PCLO: variants seen among roughly 807,000 people sequenced by gnomAD.
PCLO encodes protein piccolo.
PCLO carries 82 observed loss-of-function variants against 427.5 expected under a neutral mutation model. The observed-to-expected ratio is 0.19, with a 90% confidence interval of 0.16 to 0.23. PCLO has a LOEUF of 0.23. Ranked by LOEUF, PCLO falls within the 10% of genes least tolerant of loss-of-function variation. The pLI, the probability that PCLO is intolerant of heterozygous loss-of-function variation, is 1.00. For missense variants in PCLO, 6,239 were observed against 6,115.9 expected (o/e 1.02, Z -0.67); for synonymous variants, 2,357 against 2,155.4 (o/e 1.09, Z -2.59).
At chr7:82,808,066 C>T (rs1791491986) in intron 20 of PCLO, among the ~76,000 whole-genome samples, 1 of 151,846 alleles carries the variant, frequency 6.6e-6, no homozygotes, top group African/African-American at 2.4e-5. Flanking sequence ...GCATAACCTA[C>T]ATAATGAGTC....
chr7:82,856,137 C>T (rs914958661), intron 10 of PCLO, among the ~76,000 whole-genome samples: 5 of 152,028 alleles, frequency 3.3e-5, no homozygotes, highest in East Asian at 1.9e-4. Context: ...ATGTGTAATA[C>T]CCTCACTGGG....
At chr7:83,138,095 A>C (rs182448178) in intron 2 of PCLO, among the ~76,000 whole-genome samples, 100 of 152,292 alleles carry the variant, frequency 6.6e-4, no homozygotes, top group African/African-American at 2.2e-3. Context: ...ATAATCATGC[A>C]GCCAGACAAA....
intron 3 of PCLO, among the ~76,000 whole-genome samples, chr7:83,069,195 TG>T (rs1282299760): frequency 6.6e-6 from 1 of 152,184 alleles, no homozygotes; most frequent in Non-Finnish European, 1.5e-5. Context: ...ACATGGCAGA[TG>T]GGTTCCTGCA....
At chr7:82,776,452 A>G (rs1790751115) in intron 22 of PCLO, among the ~76,000 whole-genome samples, 1 of 152,130 alleles carries the variant, frequency 6.6e-6, no homozygotes, top group African/African-American at 2.4e-5. Flanking sequence ...AATTGAGCCA[A>G]GGGCATGAGC....
At chr7:83,137,660 TG>T (rs1638985468) in intron 2 of PCLO, among the ~76,000 whole-genome samples, 1 of 151,996 alleles carries the variant, frequency 6.6e-6, no homozygotes, top group Non-Finnish European at 1.5e-5. Flanking sequence ...CTCCATCTCC[TG>T]ACCTCGTGAT....
intron 4 of PCLO, among the ~76,000 whole-genome samples, chr7:82,960,261 T>C (rs558929668): frequency 1.3e-5 from 2 of 152,316 alleles, no homozygotes; most frequent in South Asian, 4.1e-4. Context: ...GATTTGAGTG[T>C]TTGAAACACT....
At chr7:82,877,506 G>C (rs1793401473) in intron 10 of PCLO, among the ~76,000 whole-genome samples, 1 of 152,024 alleles carries the variant, frequency 6.6e-6, no homozygotes, top group Non-Finnish European at 1.5e-5. Context: ...TTATCATTGG[G>C]CGTGAAAGGG....
chr7:83,000,389 T>C (rs77081821), intron 3 of PCLO, among the ~76,000 whole-genome samples: 1 of 151,436 alleles, frequency 6.6e-6, no homozygotes, highest in Non-Finnish European at 1.5e-5. Flanking sequence ...CAAGTAAAAA[T>C]TGAGGAAATT....
intron 6 of PCLO, among the ~76,000 whole-genome samples, chr7:82,938,347 T>C (rs1435685874): frequency 1.3e-5 from 2 of 151,980 alleles, no homozygotes; most frequent in Admixed American, 6.6e-5. Context: ...TTGCTATACA[T>C]GTATTTTTTA....
At chr7:83,093,316 A>T (rs890881787) in intron 3 of PCLO, among the ~76,000 whole-genome samples, 16 of 151,176 alleles carry the variant, frequency 1.1e-4, no homozygotes, top group African/African-American at 3.6e-4. Context: ...TCTATACTTC[A>T]AATTTTCCAA....
chr7:82,817,194 G>A lies in PCLO; in HGVS notation c.14791+5301C>T, dbSNP rs374675228. On this transcript the variant is annotated intron_variant, in intron 20 of 24. Coordinates refer to ENST00000333891, the MANE Select transcript of PCLO (RefSeq NM_033026.6). The stretch of plus-strand genomic sequence containing the variant: ...AGATTTTGTTGGATGTTTGCTATGC[G>A]CATGTCATTACAGTTTGAATTTTCT... Among the ~76,000 whole-genome samples, 39 of 152,198 alleles carry A rather than the reference G, an allele frequency of 2.6e-4. 1 individual carries two copies. The East Asian group carries it at 4.8e-3, about 19-fold the overall frequency.
chr7:83,038,023 A>ATATATT (rs1650355199), intron 3 of PCLO, among the ~76,000 whole-genome samples: 3 of 52,808 alleles, frequency 5.7e-5, no homozygotes, highest in African/African-American at 1.4e-4. Flanking sequence ...ATATATATAT[A>ATATATT]TATATATTTA....
chr7:83,157,881 T>A (rs570476885), intron 1 of PCLO, among the ~76,000 whole-genome samples: 1 of 152,138 alleles, frequency 6.6e-6, no homozygotes, highest in Non-Finnish European at 1.5e-5. Flanking sequence ...GATTTATAGG[T>A]TCTAATTGGG....
At position 83,134,465 on chromosome 7, in the gene PCLO, G is replaced by T. The variant is rs748132036; in HGVS notation, c.3085C>A (p.Pro1029Thr). ...GTTAAAGATTTGCTATCCTTAATAGGTGGTGGCTTTTTTTCTGTTTCTGTT... is the reference window on the plus strand; with the variant it reads ...GTTAAAGATTTGCTATCCTTAATAGTTGGTGGCTTTTTTTCTGTTTCTGTT... Reference protein sequence around the residue: ...KRTETEKKPPPIKDSKSLTAE... With the variant: ...KRTETEKKPPTIKDSKSLTAE... Residue 1029 changes from proline to threonine, a missense_variant, in exon 3 of 25, where the codon CCT becomes ACT. Pro to Thr is a conservative substitution (Grantham distance 38, BLOSUM62 -1). This residue lies in a region of PCLO where 4,677 missense variants were observed against 4,468.4 expected (regional missense o/e 1.05). Coordinates refer to ENST00000333891, the MANE Select transcript of PCLO (RefSeq NM_033026.6). The T allele has an allele frequency of 6.2e-7, 1 of 1,613,458 alleles. No individual in the cohort carries two copies.
At position 83,135,563 on chromosome 7, in the gene PCLO, T is replaced by C. The variant is rs1489018169; in HGVS notation, c.1987A>G (p.Thr663Ala). 4 of 1,613,406 alleles carry C rather than the reference T, an allele frequency of 2.5e-6. No homozygotes were observed. The highest frequency in any genetic ancestry group is 1.6e-4 in the Middle Eastern group (1 of 6,062). Reference protein sequence around the residue: ...VPSSPQPKLKTAPVTTTSAVS... With the variant: ...VPSSPQPKLKAAPVTTTSAVS... ...GCTGATGTAGTGGTAACAGGTGCAG[T>C]CTTCAGTTTGGGCTGGGGTGATGAC... is the stretch of plus-strand genomic sequence containing the variant. The change falls in exon 3 of 25, where the codon ACT becomes GCT. Residue 663 changes from threonine (T) to alanine (A), a missense_variant. Physicochemically the swap from Thr to Ala is moderately conservative, Grantham distance 58 (BLOSUM62 0). Transcript: ENST00000333891.
chr7:82,980,591 A>C (rs1796124670), intron 3 of PCLO, among the ~76,000 whole-genome samples: 1 of 152,176 alleles, frequency 6.6e-6, no homozygotes, highest in South Asian at 2.1e-4. Flanking sequence ...TTAAAATAGA[A>C]TTCCCATTTT....
intron 22 of PCLO, among the ~76,000 whole-genome samples, chr7:82,773,615 A>C (rs6949046): frequency 0.063 from 9,637 of 152,006 alleles, 712 homozygotes; most frequent in African/African-American, 0.18. Flanking sequence ...CTTTCTAAAC[A>C]CTATTTTTCC....
chr7:83,151,869 C>T (rs1792138925), intron 2 of PCLO, among the ~76,000 whole-genome samples: 2 of 151,974 alleles, frequency 1.3e-5, no homozygotes, highest in South Asian at 4.1e-4. Flanking sequence ...CCAGTTTCCT[C>T]ATTGGTATAA....
Position 83,093,488 on chromosome 7 carries a change from A to ATTTTTTTT in PCLO, c.3300+40761_3300+40762insAAAAAAAA, listed in dbSNP as rs1322277167. On this transcript the variant is annotated intron_variant, in intron 3 of 24. Transcript: ENST00000333891. The stretch of plus-strand genomic sequence containing the variant: ...TGTGTGTGTGTATAGATATATATAT[A>ATTTTTTTT]TATATTTTTTTTTTTTTTTTTTGAG... Among the ~76,000 whole-genome samples, 120 of 69,226 alleles carry ATTTTTTTT rather than the reference A, an allele frequency of 1.7e-3. 3 individuals are homozygous for ATTTTTTTT. The highest frequency in any genetic ancestry group is 6.8e-3 in the African/African-American group (109 of 15,996). 45.4% of individuals were successfully genotyped at this position (69,226 alleles called of 152,430 possible). A position where few individuals can be genotyped will look rare whatever the true frequency, so the allele number is the denominator to read the frequency against.
Sources: allele counts gnomAD v4.1 joint callset (sites outside exome capture counted in the v4.1 genomes callset), GRCh38; gene constraint gnomAD v4.1.1; regional missense constraint gnomAD v4.1.1; transcripts MANE v1.5; gene names NCBI Gene and HGNC (gene_info 2026-07-23, HGNC 2026-07-21).